TP63: variants seen among roughly 807,000 people sequenced by gnomAD.
The protein encoded by TP63 is tumor protein 63.
A neutral mutation model predicts 82.8 loss-of-function variants in TP63; 17 were observed. The ratio of observed to expected loss-of-function variants is 0.21; its 90% confidence interval spans 0.14 to 0.31. The LOEUF (loss-of-function observed/expected upper bound fraction) is 0.31, where lower values mean the gene tolerates loss of function less well. TP63 is among the 10% of genes least tolerant of loss of function. The pLI, the probability that TP63 is intolerant of heterozygous loss-of-function variation, is 1.00. For synonymous variants in TP63, 330 were observed against 321.7 expected (o/e 1.03, Z -0.28); for missense variants, 648 against 895.3 (o/e 0.72, Z 3.52).
intron 3 of TP63, among the ~76,000 whole-genome samples, chr3:189,765,539 C>T (rs1253748582): frequency 1.3e-5 from 2 of 149,272 alleles, no homozygotes; most frequent in Non-Finnish European, 3.0e-5. Context: ...GGGTTCACGC[C>T]ATTCTGCCTC....
chr3:189,628,344 G>A (rs1267117128), upstream of TP63, among the ~76,000 whole-genome samples: 1 of 152,096 alleles, frequency 6.6e-6, no homozygotes, highest in African/African-American at 2.4e-5. Flanking sequence ...GCAACCTAGA[G>A]GAAAGTGCAT....
At chr3:189,815,055 T>C (rs1298359874) in intron 4 of TP63, among the ~76,000 whole-genome samples, 1 of 152,164 alleles carries the variant, frequency 6.6e-6, no homozygotes, top group African/African-American at 2.4e-5. Context: ...TTCTCCCTAT[T>C]CTTCTCCTCT....
At chr3:189,775,255 G>GA (rs1166305374) in intron 3 of TP63, among the ~76,000 whole-genome samples, 1 of 140,402 alleles carries the variant, frequency 7.1e-6, no homozygotes, top group Non-Finnish European at 1.6e-5. Context: ...AAGAAAGAAA[G>GA]AAAAAAATTG....
intron 4 of TP63, among the ~76,000 whole-genome samples, chr3:189,835,963 TA>T (rs1553850867): frequency 7.9e-6 from 1 of 127,064 alleles, no homozygotes; most frequent in African/African-American, 2.7e-5. Flanking sequence ...ATAATAATAA[TA>T]ATAATGTAAA....
chr3:189,743,362 A>G (rs1721138498), intron 3 of TP63, among the ~76,000 whole-genome samples: 1 of 152,214 alleles, frequency 6.6e-6, no homozygotes, highest in African/African-American at 2.4e-5. Context: ...TTATGAGAGT[A>G]GAAATCGAAA....
intron 11 of TP63, among the ~76,000 whole-genome samples, chr3:189,886,796 G>T (rs1720492155): frequency 6.6e-6 from 1 of 152,074 alleles, no homozygotes; most frequent in Non-Finnish European, 1.5e-5. Context: ...GGATTTCTGT[G>T]AAAAGAACAG....
intron 3 of TP63, among the ~76,000 whole-genome samples, chr3:189,803,620 A>G (rs887751651): frequency 2.2e-4 from 33 of 152,202 alleles, no homozygotes; most frequent in Non-Finnish European, 1.5e-4. Context: ...AGGGTGTTCT[A>G]TGATTGCAGG....
chr3:189,703,162 G>A (rs1717938609), intron 1 of TP63, among the ~76,000 whole-genome samples: 1 of 152,310 alleles, frequency 6.6e-6, no homozygotes, highest in Non-Finnish European at 1.5e-5. Context: ...GGCCGGGCAC[G>A]GTGTCTCACG....
At chr3:189,727,906 C>T (rs1417426862) in intron 1 of TP63, among the ~76,000 whole-genome samples, 1 of 152,326 alleles carries the variant, frequency 6.6e-6, no homozygotes, top group East Asian at 1.9e-4. Context: ...AAACAAGATA[C>T]TCAAGTATTC....
At chr3:189,855,712 GTGTA>G (rs958427874) in intron 4 of TP63, among the ~76,000 whole-genome samples, 5 of 151,672 alleles carry the variant, frequency 3.3e-5, no homozygotes, top group Non-Finnish European at 5.9e-5. Flanking sequence ...GTGTGTGTGT[GTGTA>G]TGTATGTATG....
intron 1 of TP63, among the ~76,000 whole-genome samples, chr3:189,706,457 T>C (rs908356531): frequency 4.6e-4 from 70 of 152,116 alleles, no homozygotes; most frequent in African/African-American, 1.7e-3. Flanking sequence ...GGTTTCACCA[T>C]GTTGGCCAGG....
chr3:189,873,112 G>C, intron 10 of TP63, 117 bp downstream of exon 10: 1 of 1,508,928 alleles, frequency 6.6e-7, no homozygotes. Context: ...GATTGTCATA[G>C]ATTCAGATGA....
At chr3:189,763,529 T>A (rs774865870) in intron 3 of TP63, among the ~76,000 whole-genome samples, 2 of 152,162 alleles carry the variant, frequency 1.3e-5, no homozygotes, top group African/African-American at 4.8e-5. Context: ...AAGCAACTCA[T>A]GTCAAGGTAG....
chr3:189,870,004 T>TACCC (rs1475500750), intron 9 of TP63, among the ~76,000 whole-genome samples: 16 of 152,298 alleles, frequency 1.1e-4, no homozygotes, highest in Admixed American at 1.3e-4. Context: ...TCTACTTACC[T>TACCC]ACCCACCCAA....
chr3:189,737,949 A>G, intron 2 of TP63, 81 bp downstream of exon 2: 2 of 1,551,932 alleles, frequency 1.3e-6, no homozygotes, highest in South Asian at 1.1e-5. Flanking sequence ...TTACTAGGGC[A>G]TGTTTTTTCT....
chr3:189,761,996 C>T (rs1249987515), intron 3 of TP63, among the ~76,000 whole-genome samples: 1 of 152,172 alleles, frequency 6.6e-6, no homozygotes, highest in Non-Finnish European at 1.5e-5. Context: ...AATTACCTTC[C>T]ACAGGGTGTC....
rs1417847188 is a variant in TP63 at position 189,829,427 on chromosome 3, T to G, written c.579+20901T>G. Among the ~76,000 whole-genome samples the G allele has an allele frequency of 2.0e-5, 3 of 152,366 alleles. No individual in the cohort carries two copies. In the East Asian group the frequency reaches 5.8e-4, roughly 29 times the overall value. On this transcript the variant is annotated intron_variant, in intron 4 of 13. Coordinates refer to ENST00000264731, the MANE Select transcript of TP63 (RefSeq NM_003722.5). ...TCCAACTATCAATTCTTAGAAAATCTACTTTCCCTATATGTCTACTGGATT... is the reference window on the plus strand; with the variant it reads ...TCCAACTATCAATTCTTAGAAAATCGACTTTCCCTATATGTCTACTGGATT...
chr3:189,602,028 C>G, the TP63 span, among the ~76,000 whole-genome samples: 1 of 152,090 alleles, frequency 6.6e-6, no homozygotes, highest in African/African-American at 2.4e-5. Context: ...GAATAAATAT[C>G]TCTAGGTGTG....
At chr3:189,762,095 A>G (rs1722627509) in intron 3 of TP63, among the ~76,000 whole-genome samples, 1 of 152,198 alleles carries the variant, frequency 6.6e-6, no homozygotes, top group South Asian at 2.1e-4. Flanking sequence ...AATGTTTCCT[A>G]TTCAGAACTT....
Sources: allele counts gnomAD v4.1 joint callset (sites outside exome capture counted in the v4.1 genomes callset), GRCh38; gene constraint gnomAD v4.1.1; transcripts MANE v1.5; gene names NCBI Gene and HGNC (gene_info 2026-07-23, HGNC 2026-07-21).